The following ABCC1 variants were observed in gnomAD, a reference collection of about 807,000 sequenced individuals.
ABCC1 encodes the protein multidrug resistance-associated protein 1.
A neutral mutation model predicts 172.9 loss-of-function variants in ABCC1; 83 were observed. The observed-to-expected ratio is 0.48, with a 90% CI of 0.40 to 0.58. The LOEUF is 0.58. Among genes scored for constraint, ABCC1 ranks in the 20% least tolerant of loss-of-function variants. The pLI is 0.00. For synonymous variants in ABCC1, 937 were observed against 825.2 expected, an observed-to-expected ratio of 1.14 and a Z score of -2.32; for missense variants, 1,817 against 2,002.7, an observed-to-expected ratio of 0.91 and a Z score of 1.77.
chr16:16,132,023 C>T (rs1172779737), intron 27 of ABCC1, 88 bp downstream of exon 27: 6 of 1,504,120 alleles, frequency 4.0e-6, no homozygotes, highest in Admixed American at 3.8e-5. Context: ...AGCGTCTCCC[C>T]AGTCACTCAC....
chr16:16,116,636 C>G (rs1320018204), intron 23 of ABCC1, among the ~76,000 whole-genome samples: 1 of 151,888 alleles, frequency 6.6e-6, no homozygotes, highest in Non-Finnish European at 1.5e-5. Flanking sequence ...AATCTCGGCT[C>G]ACTGCAACAT....
chr16:16,062,449 C>T (rs45476196), intron 12 of ABCC1, among the ~76,000 whole-genome samples: 1,655 of 152,192 alleles, frequency 0.011, 18 homozygotes, highest in Admixed American at 0.027. Context: ...TGAGCTAAAG[C>T]GATCCTCCTG....
intron 1 of ABCC1, among the ~76,000 whole-genome samples, chr16:15,955,606 C>G (rs1429635995): frequency 6.6e-6 from 1 of 152,176 alleles, no homozygotes; most frequent in Non-Finnish European, 1.5e-5. Flanking sequence ...CTGTCCCTGC[C>G]TCAGGGCCTT....
Position 16,111,445 on chromosome 16 carries a change from T to C in ABCC1, c.2942T>C (p.Leu981Pro), listed in dbSNP as rs764126862. 6.2e-6 allele frequency: 10 copies of C among 1,614,034 alleles called. No individual in the cohort carries two copies. Among genetic ancestry groups the C allele is most frequent in the Non-Finnish European group, 1.7e-6 (2 of 1,180,028 alleles). Residue 981 changes from leucine to proline, a missense_variant, in exon 22 of 31, where the codon CTT becomes CCT. Leu to Pro is a moderately conservative substitution (Grantham distance 98). Coordinates refer to ENST00000399410, the MANE Select transcript of ABCC1 (RefSeq NM_004996.4). ...TTCATCTCCTTCCTCAGCATCTTCC[T>C]TTTCATGTGTAACCATGTGTCCGCG... ...GLFISFLSIF[L>P]FMCNHVSALA...
intron 1 of ABCC1, among the ~76,000 whole-genome samples, chr16:15,984,714 G>A (rs1322285832): frequency 2.0e-5 from 3 of 152,098 alleles, no homozygotes; most frequent in Non-Finnish European, 2.9e-5. Flanking sequence ...AAAGTGCTGA[G>A]ATTACAGGCT....
At chr16:16,058,057 T>C (rs981467547) in intron 12 of ABCC1, among the ~76,000 whole-genome samples, 2 of 152,160 alleles carry the variant, frequency 1.3e-5, no homozygotes, top group Non-Finnish European at 2.9e-5. Flanking sequence ...TTTGCTGTTA[T>C]GATCCATGCT....
rs545406691 is a variant in ABCC1 at position 16,044,686 on chromosome 16, A to AC, written c.1040+10dup. The AC allele has an allele frequency of 1.1e-4, 183 of 1,611,532 alleles. No homozygotes were observed. The highest frequency in any genetic ancestry group is 1.4e-4 in the South Asian group (13 of 91,002). On this transcript the variant is annotated splice_region_variant and intron_variant, in intron 8 of 30. Coordinates refer to ENST00000399410, the MANE Select transcript of ABCC1 (RefSeq NM_004996.4). ...TCCGGGCCGCAGATCTTAAAGTAAGACCCCTTCCCTCCCAGGTGGGCTCCA... is the reference window on the plus strand; with the variant it reads ...TCCGGGCCGCAGATCTTAAAGTAAGACCCCCTTCCCTCCCAGGTGGGCTCCA...
At chr16:15,973,031 G>A (rs549460395) in intron 1 of ABCC1, among the ~76,000 whole-genome samples, 65 of 152,150 alleles carry the variant, frequency 4.3e-4, no homozygotes, top group Admixed American at 1.1e-3. Flanking sequence ...GTGAGTTCAA[G>A]TCGTCTGCCC....
intron 13 of ABCC1, among the ~76,000 whole-genome samples, chr16:16,069,742 A>C (rs908713783): frequency 3.6e-4 from 55 of 151,720 alleles, no homozygotes; most frequent in Non-Finnish European, 5.9e-4. Flanking sequence ...AGAAAAAAAA[A>C]GCCAAGCATG....
intron 1 of ABCC1, among the ~76,000 whole-genome samples, chr16:15,973,144 G>A (rs993819864): frequency 2.6e-5 from 4 of 151,906 alleles, no homozygotes; most frequent in Non-Finnish European, 5.9e-5. Flanking sequence ...CAAAGTTATC[G>A]CAAAAGGAAG....
chr16:16,094,762 G>A (rs1184448562), intron 19 of ABCC1, among the ~76,000 whole-genome samples: 2 of 149,374 alleles, frequency 1.3e-5, no homozygotes, highest in Non-Finnish European at 3.0e-5. Context: ...TGATCCGCCC[G>A]CCTCGGCCTC....
chr16:16,011,386 G>T (rs1019359613), intron 3 of ABCC1, among the ~76,000 whole-genome samples: 11 of 152,142 alleles, frequency 7.2e-5, no homozygotes, highest in Non-Finnish European at 8.8e-5. Context: ...TGTGAAGGTT[G>T]GGGGGATAGA....
intron 21 of ABCC1, among the ~76,000 whole-genome samples, chr16:16,110,115 T>TC (rs1486426189): frequency 1.5e-4 from 22 of 150,502 alleles, no homozygotes; most frequent in Middle Eastern, 3.4e-3. Context: ...TTTTTTTTTT[T>TC]TCCCCCTGGA....
At chr16:15,994,809 GC>G (rs1447802581) in intron 1 of ABCC1, among the ~76,000 whole-genome samples, 1 of 150,704 alleles carries the variant, frequency 6.6e-6, no homozygotes, top group Non-Finnish European at 1.5e-5. Context: ...TGTTGCCCAG[GC>G]TGGAGTGCAG....
intron 11 of ABCC1, among the ~76,000 whole-genome samples, chr16:16,053,354 A>AG (rs1300247037): frequency 1.4e-4 from 22 of 152,082 alleles, no homozygotes; most frequent in Non-Finnish European, 2.6e-4. Flanking sequence ...CCTGGGCTTA[A>AG]GTGATCCTGT....
intron 26 of ABCC1, 122 bp from the exon 27 acceptor site, chr16:16,131,667 C>G (rs1226695914): frequency 1.8e-6 from 2 of 1,085,236 alleles, no homozygotes; most frequent in Admixed American, 2.7e-5. Context: ...GGCAACCCCC[C>G]AGTGCTGAGG....
chr16:15,995,977 GTTTTT>G (rs565769136), intron 1 of ABCC1, among the ~76,000 whole-genome samples: 1 of 98,602 alleles, frequency 1.0e-5, no homozygotes, highest in East Asian at 3.1e-4. Context: ...GCCCAGCTAA[GTTTTT>G]TTTTTTTTTT....
At chr16:16,061,377 A>G (rs2049904800) in intron 12 of ABCC1, among the ~76,000 whole-genome samples, 1 of 152,240 alleles carries the variant, frequency 6.6e-6, no homozygotes, top group Non-Finnish European at 1.5e-5. Flanking sequence ...CCTGTGTTGT[A>G]GGGCCTGGAC....
chr16:15,961,544 TG>T (rs1347118444), intron 1 of ABCC1, among the ~76,000 whole-genome samples: 1 of 152,200 alleles, frequency 6.6e-6, no homozygotes, highest in African/African-American at 2.4e-5. Flanking sequence ...TGATGATGGT[TG>T]TTGATGATAG....
Sources: gnomAD v4.1 joint callset for allele counts (sites outside exome capture counted in the v4.1 genomes callset) on GRCh38, gnomAD v4.1.1 for gene constraint, MANE v1.5 for transcripts, NCBI Gene and HGNC (gene_info 2026-07-23, HGNC 2026-07-21) for gene names.